Variants in MFHAS1 observed in about 807,000 individuals in gnomAD.
The protein encoded by MFHAS1 is multifunctional ROCO family signaling regulator 1.
MFHAS1 carries 50 observed loss-of-function variants against 70.4 expected under a neutral mutation model. The ratio of observed to expected loss-of-function variants is 0.71; its 90% CI spans 0.57 to 0.90. MFHAS1 has a LOEUF of 0.90. Among genes scored for constraint, MFHAS1 ranks in the 40% least tolerant of loss-of-function variants. MFHAS1 has a pLI of 0.00. For missense variants in MFHAS1, 1,795 were observed against 1,347.6 expected, an observed-to-expected ratio of 1.33 and a Z score of -5.20; for synonymous variants, 952 against 620.0, an observed-to-expected ratio of 1.54 and a Z score of -7.96.
chr8:8,891,717 G>A lies in MFHAS1; in HGVS notation c.1342C>T (p.Pro448Ser). Residue 448 changes from proline (P) to serine (S), a missense_variant, in exon 1 of 3, where the codon CCA (proline) becomes TCA (serine). Pro to Ser is a moderately conservative substitution (Grantham distance 74, BLOSUM62 -1). Coordinates refer to ENST00000276282, the MANE Select transcript of MFHAS1 (RefSeq NM_004225.3). The surrounding 1 kb of genome is among the most constrained non-coding windows in gnomAD (Gnocchi z 5.4). The stretch of plus-strand genomic sequence containing the variant: ...TTGCTCACAGGGGGAGGTGACGGTG[G>A]GTAGCACTTCTCCTTGTCCCCTCCT... The part of the protein sequence containing the change: ...PGGGDKEKCY[P>S]PSPPPVSKGI... 3 of 1,613,438 alleles carry A rather than the reference G, an allele frequency of 1.9e-6. No homozygotes were observed. Among genetic ancestry groups the A allele is most frequent in the East Asian group, 2.2e-5 (1 of 44,876 alleles).
chr8:8,814,498 T>C (rs1187807249), intron 1 of MFHAS1, among the ~76,000 whole-genome samples: 1 of 152,166 alleles, frequency 6.6e-6, no homozygotes, highest in Non-Finnish European at 1.5e-5. Context: ...CATATGCAAA[T>C]TGTTAAGCAA....
At chr8:8,864,283 G>A (rs1452932310) in intron 1 of MFHAS1, among the ~76,000 whole-genome samples, 2 of 152,160 alleles carry the variant, frequency 1.3e-5, no homozygotes, top group African/African-American at 4.8e-5. Flanking sequence ...CTGCCCCTAT[G>A]CTCAACCAAA....
chr8:8,828,661 G>T (rs150234088), intron 1 of MFHAS1, among the ~76,000 whole-genome samples: 16 of 152,326 alleles, frequency 1.1e-4, no homozygotes, highest in African/African-American at 3.6e-4. Flanking sequence ...ACATGAAGAA[G>T]GAATAACTGG....
intron 1 of MFHAS1, among the ~76,000 whole-genome samples, chr8:8,881,055 G>A (rs566161702): frequency 1.1e-4 from 16 of 152,196 alleles, no homozygotes; most frequent in South Asian, 6.2e-4. Flanking sequence ...GCAGTAACCC[G>A]ATGCCTCTGT....
At chr8:8,845,759 C>A (rs1000768134) in intron 1 of MFHAS1, among the ~76,000 whole-genome samples, 1 of 152,176 alleles carries the variant, frequency 6.6e-6, no homozygotes, top group Non-Finnish European at 1.5e-5. Flanking sequence ...TTCATAACAA[C>A]CACAGCAAAA....
chr8:8,806,883 C>T (rs1806310027), intron 1 of MFHAS1, among the ~76,000 whole-genome samples: 1 of 152,056 alleles, frequency 6.6e-6, no homozygotes, highest in African/African-American at 2.4e-5. Context: ...ATCGCTTGAA[C>T]CCGGGAGGCA....
At chr8:8,884,611 A>G (rs1473191290) in intron 1 of MFHAS1, among the ~76,000 whole-genome samples, 1 of 152,228 alleles carries the variant, frequency 6.6e-6, no homozygotes, top group East Asian at 1.9e-4. Flanking sequence ...AAACAAAGCC[A>G]GATAATCATT....
At chr8:8,832,819 G>A (rs752946230) in intron 1 of MFHAS1, among the ~76,000 whole-genome samples, 6 of 151,584 alleles carry the variant, frequency 4.0e-5, no homozygotes, top group Admixed American at 6.6e-5. Context: ...ATTTTTTGTC[G>A]AGGCGAGGTC....
intron 1 of MFHAS1, among the ~76,000 whole-genome samples, chr8:8,826,823 A>G (rs1166597607): frequency 6.6e-6 from 1 of 152,130 alleles, no homozygotes; most frequent in East Asian, 1.9e-4. Context: ...TTCCATCAGA[A>G]ATGCAGATGT....
At chr8:8,884,502 A>G (rs1310117408) in intron 1 of MFHAS1, among the ~76,000 whole-genome samples, 2 of 152,336 alleles carry the variant, frequency 1.3e-5, no homozygotes, top group East Asian at 3.9e-4. Context: ...GCTTTGCTTC[A>G]GTGGTCAAAA....
chr8:8,801,370 G>A (rs73519950), intron 1 of MFHAS1, among the ~76,000 whole-genome samples: 4,241 of 152,260 alleles, frequency 0.028, 206 homozygotes, highest in African/African-American at 0.097. Flanking sequence ...TGGAAACAGA[G>A]CACGAAGGTG....
chr8:8,811,077 C>T (rs1260439200), intron 1 of MFHAS1, among the ~76,000 whole-genome samples: 1 of 152,072 alleles, frequency 6.6e-6, no homozygotes, highest in East Asian at 1.9e-4. Flanking sequence ...ACATCTCCCA[C>T]AGCACTACAG....
rs780904954 is a variant in MFHAS1 at position 8,892,866 on chromosome 8, T to C, written c.193A>G (p.Ile65Val). 30 of 1,593,558 alleles carry C rather than the reference T, an allele frequency of 1.9e-5. No individual in the cohort carries two copies. The highest frequency in any genetic ancestry group is 2.4e-5 in the Non-Finnish European group (28 of 1,171,256). Residue 65 changes from isoleucine to valine, a missense_variant, in exon 1 of 3, where the codon ATT becomes GTT. Coordinates refer to ENST00000276282, the MANE Select transcript of MFHAS1 (RefSeq NM_004225.3). The surrounding 1 kb of genome is among the most constrained non-coding windows in gnomAD (Gnocchi z 4.7). The stretch of plus-strand genomic sequence containing the variant: ...TTGTTCCCCAGGTTCAGTGCCTCAA[T>C]GTCCCCGAGGTTGGCCGGCAGCACG... ...QLVLPANLGD[I>V]EALNLGNNGL...
At chr8:8,792,057 G>A (rs948369104) in intron 2 of MFHAS1, among the ~76,000 whole-genome samples, 2 of 151,910 alleles carry the variant, frequency 1.3e-5, no homozygotes, top group Non-Finnish European at 2.9e-5. Flanking sequence ...GGCTAACACA[G>A]TGAAACCCTA....
intron 1 of MFHAS1, among the ~76,000 whole-genome samples, chr8:8,834,474 T>C (rs1025256158): frequency 4.6e-5 from 7 of 152,246 alleles, no homozygotes; most frequent in African/African-American, 1.4e-4. Flanking sequence ...TTCTGTCTTT[T>C]ATACTGTATT....
intron 1 of MFHAS1, among the ~76,000 whole-genome samples, chr8:8,866,898 A>C (rs1177298381): frequency 6.6e-6 from 1 of 152,216 alleles, no homozygotes; most frequent in East Asian, 1.9e-4. Context: ...GTACTTGCAT[A>C]ATTAGCCTTC....
intron 1 of MFHAS1, among the ~76,000 whole-genome samples, chr8:8,848,387 T>G (rs1171567743): frequency 8.3e-6 from 1 of 120,426 alleles, no homozygotes. Context: ...CAGTCAGGCC[T>G]AAAGAGGAAG....
intron 1 of MFHAS1, among the ~76,000 whole-genome samples, chr8:8,801,681 A>G (rs1806089016): frequency 6.6e-6 from 1 of 152,222 alleles, no homozygotes; most frequent in South Asian, 2.1e-4. Context: ...TCTTCAAAAT[A>G]AAGTGCATTA....
rs113096134 is a variant in MFHAS1, at chr8:8,837,952, C to A, written c.2999-40461G>T. ...CATGTTTACTCAGGAGAAACAATGA[C>A]ATGTCCAGCACACAAAGACTTGTAC... On this transcript the variant is annotated intron_variant, in intron 1 of 2. Coordinates refer to ENST00000276282, the MANE Select transcript of MFHAS1 (RefSeq NM_004225.3). 2.3e-3 allele frequency among the ~76,000 whole-genome samples: 357 copies of A among 152,276 alleles called. 2 individuals are homozygous for A. Among genetic ancestry groups the A allele is most frequent in the African/African-American group, 8.2e-3 (342 of 41,560 alleles).
Sources: allele counts gnomAD v4.1 joint callset (sites outside exome capture counted in the v4.1 genomes callset), GRCh38; gene constraint gnomAD v4.1.1; non-coding constraint Gnocchi (gnomAD v3.1); transcripts MANE v1.5; gene names NCBI Gene and HGNC (gene_info 2026-07-23, HGNC 2026-07-21).